ELFN2: variants seen among roughly 807,000 people sequenced by gnomAD.
The protein encoded by ELFN2 is protein phosphatase 1 regulatory subunit 29.
In ELFN2, 17 loss-of-function variants were observed where a neutral mutation model predicts 45.5. The observed-to-expected ratio is 0.37, with a 90% CI of 0.26 to 0.56. The LOEUF is 0.56. Among genes scored for constraint, ELFN2 ranks in the 20% least tolerant of loss-of-function variants. The probability of loss-of-function intolerance (pLI) is 0.77; values close to 1 mark genes in which losing one functional copy is unlikely to be tolerated. For synonymous variants in ELFN2, 550 were observed against 551.5 expected, an observed-to-expected ratio of 1.00 and a Z score of 0.04; for missense variants, 922 against 1,183.2, an observed-to-expected ratio of 0.78 and a Z score of 3.24.
downstream of ELFN2, among the ~76,000 whole-genome samples, chr22:37,365,056 G>C (rs2145624900): frequency 6.6e-6 from 1 of 152,328 alleles, no homozygotes; most frequent in Admixed American, 6.5e-5. Flanking sequence ...GCCCAGAGGA[G>C]AGAACCAGTG....
chr22:37,364,451 G>A (rs950764679), downstream of ELFN2, among the ~76,000 whole-genome samples: 1 of 152,230 alleles, frequency 6.6e-6, no homozygotes, highest in Non-Finnish European at 1.5e-5. Context: ...CTGTGTGAGG[G>A]CACTCAGAGG....
intron 1 of ELFN2, among the ~76,000 whole-genome samples, chr22:37,359,420 G>C (rs1601736909): frequency 6.6e-6 from 1 of 152,142 alleles, no homozygotes; most frequent in African/African-American, 2.4e-5. Flanking sequence ...GGTTCTCCTG[G>C]CTCTCTCCTT....
chr22:37,397,101 G>T (rs1422655799), intron 2 of ELFN2, among the ~76,000 whole-genome samples: 1 of 152,062 alleles, frequency 6.6e-6, no homozygotes, highest in Admixed American at 6.5e-5. Flanking sequence ...TTCAGCTCGG[G>T]CATCACCGCC....
chr22:37,365,766 A>T (rs540766067), downstream of ELFN2, among the ~76,000 whole-genome samples: 1 of 152,274 alleles, frequency 6.6e-6, no homozygotes, highest in East Asian at 1.9e-4. Context: ...GCCTGAACCC[A>T]ACATTATCCA....
At position 37,375,987 on chromosome 22, in the gene ELFN2, C is replaced by T. The variant is rs1285270579; in HGVS notation, c.-453G>A. 1 of 192,928 alleles carries T rather than the reference C, an allele frequency of 5.2e-6. No homozygotes were observed. The highest frequency in any genetic ancestry group is 1.6e-4 in the East Asian group (1 of 6,086). The allele number at this position is 192,928 out of a possible 1,614,324, so 12.0% of individuals were successfully genotyped here. A position where few individuals can be genotyped will look rare whatever the true frequency, so the allele number is the denominator to read the frequency against. The stretch of plus-strand genomic sequence containing the variant: ...GGGCAGGAAGGAAGAGACCCATCTG[C>T]ACCTGGTTCCTGAAAGGCAGCATCG... On this transcript the variant is annotated 5_prime_UTR_variant, in exon 3 of 3. Transcript: ENST00000402918.
rs1156506500 is a variant in ELFN2 at position 37,373,074 on chromosome 22, A to G, written c.2461T>C (p.Ter821ArgextTer52). 2 of 1,586,090 alleles carry G rather than the reference A, an allele frequency of 1.3e-6. No homozygotes were observed. The highest frequency in any genetic ancestry group is 2.3e-5 in the South Asian group (2 of 88,116). The part of the protein sequence containing the change: ...WKGVSAQQKL[*>R] ...CTCACCAGGGAGGAAGGGGGGGGTC[A>G]CAGCTTCTGCTGGGCGGAGACCCCC... Residue 821 changes from the stop codon to arginine, a stop_lost, in exon 3 of 3, where the codon TGA becomes CGA. Transcript: ENST00000402918.
At chr22:37,415,293 C>T (rs546835926) in intron 2 of ELFN2, among the ~76,000 whole-genome samples, 3 of 152,356 alleles carry the variant, frequency 2.0e-5, no homozygotes, top group African/African-American at 4.8e-5. Flanking sequence ...GCCTGGCATG[C>T]GGTGCCCTAG....
chr22:37,402,617 G>C (rs1254611882), intron 2 of ELFN2, among the ~76,000 whole-genome samples: 1 of 114,648 alleles, frequency 8.7e-6, no homozygotes, highest in South Asian at 2.4e-4. Context: ...GTGGAGCCAA[G>C]GTGAGAGTGC....
At chr22:37,341,087 C>G (rs899059849) in intron 2 of ELFN2, 1 of 152,500 alleles carries the variant, frequency 6.6e-6, no homozygotes, top group African/African-American at 2.4e-5. Context: ...GGAGAGACAG[C>G]AAGTGAGCCA....
At chr22:37,387,071 G>C (rs1931966853) in intron 2 of ELFN2, among the ~76,000 whole-genome samples, 1 of 152,224 alleles carries the variant, frequency 6.6e-6, no homozygotes, top group Non-Finnish European at 1.5e-5. Flanking sequence ...GCACACGCCA[G>C]GCAGGCAGGA....
At chr22:37,344,782 G>A (rs769828358) in intron 1 of ELFN2, among the ~76,000 whole-genome samples, 8 of 152,114 alleles carry the variant, frequency 5.3e-5, no homozygotes, top group South Asian at 4.2e-4. Context: ...ACCACCATGC[G>A]CATCCCCTCT....
In ELFN2 at chr22:37,373,636, G is replaced by A. The variant is rs1162074289; in HGVS notation, c.1899C>T (p.Ser633=). ...CCTTGGCGCTCTTGATGGAACCACTGGACGACACGCTGCAGGTCTTGCGGG... is the reference window on the plus strand; with the variant it reads ...CCTTGGCGCTCTTGATGGAACCACTAGACGACACGCTGCAGGTCTTGCGGG... The part of the protein sequence containing the change: ...AVTRKTCSVS[S]SGSIKSAKVF... The change falls in exon 3 of 3, where the codon TCC becomes TCT. Residue 633 remains serine (S), a synonymous_variant. Coordinates refer to ENST00000402918, the MANE Select transcript of ELFN2 (RefSeq NM_052906.5). 6.3e-7 allele frequency: 1 copy of A among 1,597,086 alleles called. No homozygotes were observed. The highest frequency in any genetic ancestry group is 1.3e-5 in the African/African-American group (1 of 74,346).
intron 2 of ELFN2, among the ~76,000 whole-genome samples, chr22:37,392,993 G>T (rs1932122788): frequency 6.6e-6 from 1 of 152,166 alleles, no homozygotes; most frequent in Non-Finnish European, 1.5e-5. Context: ...CTGCATTAAA[G>T]ACACTTCAAC....
At chr22:37,354,928 G>C (rs774068375) in intron 1 of ELFN2, 7 of 152,200 alleles carry the variant, frequency 4.6e-5, no homozygotes, top group Non-Finnish European at 8.8e-5. Context: ...AGGACATCTA[G>C]TTAACATGCA....
chr22:37,361,326 C>T (rs1258134917), intron 1 of ELFN2, among the ~76,000 whole-genome samples: 2 of 151,142 alleles, frequency 1.3e-5, no homozygotes, highest in Non-Finnish European at 3.0e-5. Flanking sequence ...ACTTTCTGAG[C>T]CCCCCTCCTC....
intron 2 of ELFN2, among the ~76,000 whole-genome samples, chr22:37,392,210 T>C (rs1363998942): frequency 1.3e-5 from 2 of 152,208 alleles, no homozygotes; most frequent in South Asian, 4.1e-4. Context: ...GTTTGTGAGA[T>C]GCTCACAGTG....
chr22:37,384,560 C>T (rs1380489897), intron 2 of ELFN2, among the ~76,000 whole-genome samples: 3 of 135,984 alleles, frequency 2.2e-5, no homozygotes, highest in Non-Finnish European at 3.2e-5. Flanking sequence ...CCACCCCCCA[C>T]GACCTCTAGC....
exon 3 of ELFN2, chr22:37,340,660 C>T (rs930926667): frequency 6.6e-6 from 1 of 152,270 alleles, no homozygotes; most frequent in Non-Finnish European, 1.5e-5. Context: ...GGCTGCCCGA[C>T]TCCTGGGCAG....
chr22:37,417,798 G>A lies in ELFN2; in HGVS notation c.-492C>T, dbSNP rs151295287. On this transcript the variant is annotated 5_prime_UTR_variant, in exon 2 of 3. Transcript: ENST00000402918. This position sits in a 1 kb window ranked among gnomAD's most constrained non-coding sequence, Gnocchi z 4.5. ...TGTCTGCAGCAGAGGAGGCCCCTCC[G>A]GCACTGTCCCCAACCTGGGTCTCAG... 693 of 152,954 alleles carry A rather than the reference G, an allele frequency of 4.5e-3. 5 individuals carry two copies. Among genetic ancestry groups the A allele is most frequent in the Non-Finnish European group, 4.6e-3 (318 of 68,530 alleles). The allele number at this position is 152,954 out of a possible 1,614,324, so 9.5% of individuals were successfully genotyped here. A position where few individuals can be genotyped will look rare whatever the true frequency, so the allele number is the denominator to read the frequency against.
Sources: allele counts gnomAD v4.1 joint callset (sites outside exome capture counted in the v4.1 genomes callset), GRCh38; gene constraint gnomAD v4.1.1; non-coding constraint Gnocchi (gnomAD v3.1); transcripts MANE v1.5; gene names NCBI Gene and HGNC (gene_info 2026-07-23, HGNC 2026-07-21).